Variants in DNAH17 observed in about 807,000 individuals in gnomAD.
The protein encoded by DNAH17 is dynein axonemal heavy chain 17.
In DNAH17, 376 loss-of-function variants were observed where a neutral mutation model predicts 485.6. The ratio of observed to expected loss-of-function variants is 0.77; its 90% CI spans 0.71 to 0.84. DNAH17 has a LOEUF of 0.84. Ranked by LOEUF, DNAH17 falls within the 40% of genes least tolerant of loss-of-function variation. The pLI is 0.00. For synonymous variants in DNAH17, 3,031 were observed against 2,405.9 expected, an observed-to-expected ratio of 1.26 and a Z score of -7.60; for missense variants, 6,370 against 5,839.3, an observed-to-expected ratio of 1.09 and a Z score of -2.96.
intron 16 of DNAH17, among the ~76,000 whole-genome samples, chr17:78,544,364 T>C (rs1490772821): frequency 6.6e-6 from 1 of 152,084 alleles, no homozygotes; most frequent in Non-Finnish European, 1.5e-5. Flanking sequence ...CAATACTGGG[T>C]GGATCGTCCA....
Position 78,425,756 on chromosome 17 carries a change from CTTTTTTTTTTTTT to C in DNAH17, c.12916-198_12916-186del, listed in dbSNP as rs71160294. ...TACCATGACGCAACTTTGGTGTCTG[CTTTTTTTTTTTTT>C]TTTTTTTTTTTTTTGAGATGAAGTA... is the stretch of plus-strand genomic sequence containing the variant. On this transcript the variant is annotated intron_variant, in intron 79 of 80. Coordinates refer to ENST00000389840, the MANE Select transcript of DNAH17 (RefSeq NM_173628.4). Among the ~76,000 whole-genome samples the C allele has an allele frequency of 2.7e-3, 329 of 120,726 alleles. 1 individual carries two copies. The highest frequency in any genetic ancestry group is 2.8e-3 in the Non-Finnish European group (171 of 60,856). 79.2% of individuals were successfully genotyped at this position (120,726 alleles called of 152,430 possible). A position where few individuals can be genotyped will look rare whatever the true frequency, so the allele number is the denominator to read the frequency against.
chr17:78,538,138 CA>C (rs60460125), intron 18 of DNAH17, among the ~76,000 whole-genome samples: 14 of 106,274 alleles, frequency 1.3e-4, no homozygotes, highest in East Asian at 5.5e-4. Context: ...ACTCTGTCTC[CA>C]AAAAAAAAAA....
intron 37 of DNAH17, 73 bp downstream of exon 37, chr17:78,498,935 C>T (rs980289424): frequency 8.5e-6 from 10 of 1,177,828 alleles, no homozygotes; most frequent in Admixed American, 2.4e-5. Context: ...GTCTATCTGG[C>T]GTGTGAGGTC....
chr17:78,555,543 C>CAAAAAA (rs765954549), intron 14 of DNAH17, among the ~76,000 whole-genome samples: 1,349 of 76,770 alleles, frequency 0.018, 49 homozygotes, highest in Non-Finnish European at 0.02. Flanking sequence ...GATTCCGTCA[C>CAAAAAA]AAAAAAAAAA....
intron 7 of DNAH17, 78 bp from the exon 8 acceptor site, chr17:78,569,605 CCTGTGAT>C: frequency 6.7e-7 from 1 of 1,497,582 alleles, no homozygotes; most frequent in South Asian, 1.3e-5. Flanking sequence ...GCCTGCAGGA[CCTGTGAT>C]CTGTTCTGAC....
At chr17:78,453,280 C>T (rs973278715) in intron 65 of DNAH17, 63 bp downstream of exon 65, 84 of 1,583,698 alleles carry the variant, frequency 5.3e-5, no homozygotes, top group East Asian at 1.4e-4. Flanking sequence ...TACATGCACA[C>T]GCCCAGGCCT....
In DNAH17 at chr17:78,485,595, G is replaced by A. The variant is rs1301996283; in HGVS notation, c.7438C>T (p.Gln2480Ter). ...GTGTAGAAGTTGAAGGGCACAGCCT[G>A]CACCAGGTAGTTGTCCGTGTTCAGG... ...ESLNTDNYLV[Q>*]AVPFNFYTTS... The change falls in exon 47 of 81, where the codon CAG (glutamine) becomes TAG (stop). Residue 2480 changes from glutamine to a stop codon, truncating the protein, a stop_gained. Transcript: ENST00000389840. LOFTEE classifies it high-confidence loss of function. The A allele has an allele frequency of 2.5e-6, 4 of 1,613,796 alleles. No individual in the cohort carries two copies. The highest frequency in any genetic ancestry group is 1.1e-5 in the South Asian group (1 of 91,000).
At chr17:78,434,291 A>G (rs2086789946) in intron 74 of DNAH17, 71 bp from the exon 75 acceptor site, 1 of 1,454,000 alleles carries the variant, frequency 6.9e-7, no homozygotes, top group Middle Eastern at 1.8e-4. Context: ...CCTGAGGGTG[A>G]CCAGCGTCCA....
At chr17:78,560,481 C>A (rs777572244) in intron 13 of DNAH17, among the ~76,000 whole-genome samples, 1 of 150,466 alleles carries the variant, frequency 6.6e-6, no homozygotes, top group East Asian at 1.9e-4. Flanking sequence ...AGACTTTTTC[C>A]CCCCCCCCAG....
chr17:78,433,203 C>T (rs1015554236), intron 75 of DNAH17, among the ~76,000 whole-genome samples: 1 of 152,212 alleles, frequency 6.6e-6, no homozygotes, highest in African/African-American at 2.4e-5. Context: ...CCAGGCTTAG[C>T]CTGAGTCAAA....
chr17:78,572,607 G>T (rs772513794), intron 3 of DNAH17, 94 bp downstream of exon 3: 1 of 1,173,084 alleles, frequency 8.5e-7, no homozygotes, highest in Non-Finnish European at 1.2e-6. Context: ...GGGAAACAAC[G>T]GGTCGGAGTG....
chr17:78,563,749 G>A (rs368264038), intron 11 of DNAH17, among the ~76,000 whole-genome samples: 1 of 149,256 alleles, frequency 6.7e-6, no homozygotes, highest in African/African-American at 2.5e-5. Flanking sequence ...ACTAACTCCG[G>A]AACAGGCAGG....
intron 30 of DNAH17, 111 bp downstream of exon 30, chr17:78,506,609 G>A (rs1320411824): frequency 4.7e-6 from 7 of 1,488,306 alleles, no homozygotes; most frequent in Non-Finnish European, 4.5e-6. Context: ...GGAGATGATG[G>A]GGCACGTCCA....
At position 78,507,548 on chromosome 17, in the gene DNAH17, G is replaced by C. The variant is rs1230856648; in HGVS notation, c.4494C>G (p.His1498Gln). Residue 1498 changes from histidine to glutamine, a missense_variant, in exon 28 of 81, where the codon CAC (histidine) becomes CAG (glutamine). His to Gln is a conservative substitution (Grantham distance 24). Coordinates refer to ENST00000389840, the MANE Select transcript of DNAH17 (RefSeq NM_173628.4). The stretch of plus-strand genomic sequence containing the variant: ...CGGAGCCGATGAAGATGCTCTCCAG[G>C]TGGCTCCAGGTTCGCTGGACCTCAA... ...IWFEVQRTWSHLESIFIGSED... is the reference protein window; with the variant it reads ...IWFEVQRTWSQLESIFIGSED... The C allele has an allele frequency of 3.1e-6, 5 of 1,613,928 alleles. 1 individual carries two copies. Among genetic ancestry groups the C allele is most frequent in the Non-Finnish European group, 4.2e-6 (5 of 1,179,900 alleles).
intron 16 of DNAH17, among the ~76,000 whole-genome samples, chr17:78,551,248 G>A (rs537692644): frequency 6.6e-6 from 1 of 152,318 alleles, no homozygotes; most frequent in South Asian, 2.1e-4. Context: ...GTGGGGGTGA[G>A]TCTTGGCAGA....
At chr17:78,545,495 G>T (rs1400899350) in intron 16 of DNAH17, among the ~76,000 whole-genome samples, 1 of 152,136 alleles carries the variant, frequency 6.6e-6, no homozygotes, top group Non-Finnish European at 1.5e-5. Context: ...CCGCCTTCTT[G>T]TTGTGACCTC....
rs568863800 is a variant in DNAH17 at position 78,433,274 on chromosome 17, C to G, written c.12225+755G>C. ...TCTCTCCAGTTTATGGTTGGGGTGGCCAAGCCTTAGGAGACCGTAGATGGG... is the reference window on the plus strand; with the variant it reads ...TCTCTCCAGTTTATGGTTGGGGTGGGCAAGCCTTAGGAGACCGTAGATGGG... On this transcript the variant is annotated intron_variant, in intron 75 of 80. Coordinates refer to ENST00000389840, the MANE Select transcript of DNAH17 (RefSeq NM_173628.4). Among the ~76,000 whole-genome samples, 19 of 152,290 alleles carry G rather than the reference C, an allele frequency of 1.2e-4. No homozygotes were observed. The East Asian group carries it at 3.7e-3, about 29-fold the overall frequency.
Position 78,542,568 on chromosome 17 carries a change from G to A in DNAH17, c.2532+1289C>T, listed in dbSNP as rs532494349. 3.5e-4 allele frequency among the ~76,000 whole-genome samples: 54 copies of A among 152,258 alleles called. No homozygotes were observed. In the South Asian group the frequency reaches 5.6e-3, roughly 16 times the overall value. On this transcript the variant is annotated intron_variant, in intron 17 of 80. Coordinates refer to ENST00000389840, the MANE Select transcript of DNAH17 (RefSeq NM_173628.4). ...GGTGAAATTACTACCAAGTGAGGAG[G>A]ATATGAAAACCCCTACAATACAATG...
intron 79 of DNAH17, among the ~76,000 whole-genome samples, chr17:78,425,781 T>G (rs1172189840): frequency 8.3e-6 from 1 of 121,032 alleles, no homozygotes; most frequent in South Asian, 2.7e-4. Flanking sequence ...TTTTTTTTTT[T>G]TTGAGATGAA....
Sources: allele counts gnomAD v4.1 joint callset (sites outside exome capture counted in the v4.1 genomes callset), GRCh38; gene constraint gnomAD v4.1.1; transcripts MANE v1.5; gene names NCBI Gene and HGNC (gene_info 2026-07-23, HGNC 2026-07-21).